Variants in ZPBP observed in about 807,000 individuals in gnomAD.
ZPBP encodes zona pellucida binding protein, also known as zona pellucida-binding protein 1.
Under a neutral mutation model 44.8 loss-of-function variants are expected in ZPBP, and 26 were observed. The ratio of observed to expected loss-of-function variants is 0.58; its 90% CI spans 0.43 to 0.81. The LOEUF is 0.81. ZPBP is among the 30% of genes least tolerant of loss of function. The pLI, the probability that ZPBP is intolerant of heterozygous loss-of-function variation, is 0.00. For synonymous variants in ZPBP, 174 were observed against 153.2 expected, an observed-to-expected ratio of 1.14 and a Z score of -1.00; for missense variants, 409 against 434.0, an observed-to-expected ratio of 0.94 and a Z score of 0.51.
intron 2 of ZPBP, among the ~76,000 whole-genome samples, chr7:49,854,593 T>C (rs1378629823): frequency 6.6e-6 from 1 of 152,242 alleles, no homozygotes; most frequent in Non-Finnish European, 1.5e-5. Context: ...GTTTGAGTTC[T>C]TTGCAGATTC....
chr7:50,058,132 C>A lies in ZPBP; in HGVS notation c.344G>T (p.Arg115Leu), dbSNP rs201273041. 3.5e-5 allele frequency: 56 copies of A among 1,613,458 alleles called. 1 individual carries two copies. The South Asian group carries it at 5.9e-4, about 17-fold the overall frequency. ...PKGKVVSVEN[R>L]TAQITSTGSL... Reference sequence around the variant, plus strand: ...TCCTGTGGATGTTATTTGTGCAGTGCGGTTTTCTACTAAAGGAATAAGATA... The same window carrying A: ...TCCTGTGGATGTTATTTGTGCAGTGAGGTTTTCTACTAAAGGAATAAGATA... The change falls in exon 4 of 8, where the codon CGC becomes CTC. Residue 115 changes from arginine to leucine, a missense_variant. Around this residue, in one of 2 missense-constraint regions of ZPBP, gnomAD observed 367 missense variants for 363.1 expected, o/e 1.01. Coordinates refer to ENST00000046087, the MANE Select transcript of ZPBP (RefSeq NM_007009.3).
At chr7:49,902,615 A>G (rs904093454) in intron 1 of ZPBP, among the ~76,000 whole-genome samples, 3 of 151,816 alleles carry the variant, frequency 2.0e-5, no homozygotes, top group Non-Finnish European at 2.9e-5. Context: ...TTTATCTCAG[A>G]ATGGATCATA....
chr7:49,950,626 TAAATACAC>T lies in ZPBP; in HGVS notation c.962-13012_962-13005del, dbSNP rs1385351341. Among the ~76,000 whole-genome samples, 3 of 151,836 alleles carry T rather than the reference TAAATACAC, an allele frequency of 2.0e-5. No homozygotes were observed. The East Asian group carries it at 5.8e-4, about 29-fold the overall frequency. The stretch of plus-strand genomic sequence containing the variant: ...GTATGTCTATTTATATGTACACATA[TAAATACAC>T]AAATTAATATGGTATATACCCCTAC... On this transcript the variant is annotated intron_variant, in intron 7 of 7. Coordinates refer to ENST00000046087, the MANE Select transcript of ZPBP (RefSeq NM_007009.3).
chr7:49,963,361 T>G (rs778701050), intron 7 of ZPBP, among the ~76,000 whole-genome samples: 37 of 151,740 alleles, frequency 2.4e-4, no homozygotes, highest in Non-Finnish European at 4.4e-4. Context: ...ACCATATCAC[T>G]CCACGATTTA....
chr7:49,999,509 T>C (rs2128793619), intron 6 of ZPBP, among the ~76,000 whole-genome samples: 1 of 152,146 alleles, frequency 6.6e-6, no homozygotes, highest in East Asian at 1.9e-4. Flanking sequence ...GGACAAGAAG[T>C]CCCACACTTT....
At chr7:49,943,759 T>C in intron 7 of ZPBP, 1 of 241,662 alleles carries the variant, frequency 4.1e-6, no homozygotes, top group Non-Finnish European at 8.1e-6. Flanking sequence ...CCATTGGATC[T>C]CTAGCCAGCA....
In ZPBP at chr7:49,931,741, T is replaced by C. The variant is rs115145859; in HGVS notation, n.411+4010A>G. On this transcript the variant is annotated intron_variant and non_coding_transcript_variant, in intron 1 of 2. Transcript: ENST00000465922. ...AGCCAAATGTTAATCACCAAGACAA[T>C]AGGATAATGTCTCCAGGGCATGTCA... Among the ~76,000 whole-genome samples the C allele has an allele frequency of 4.6e-3, 697 of 152,198 alleles. 4 individuals carry two copies. The highest frequency in any genetic ancestry group is 0.016 in the African/African-American group (659 of 41,538).
At chr7:49,910,427 AAAG>A (rs1304299920) in intron 1 of ZPBP, among the ~76,000 whole-genome samples, 22 of 152,198 alleles carry the variant, frequency 1.4e-4, no homozygotes, top group African/African-American at 5.1e-4. Context: ...TATTAGAAGC[AAAG>A]AAGGGAGGAG....
At chr7:49,979,848 A>T (rs376780670) in intron 7 of ZPBP, among the ~76,000 whole-genome samples, 1 of 58,762 alleles carries the variant, frequency 1.7e-5, no homozygotes, top group Non-Finnish European at 3.1e-5. Flanking sequence ...TATATATATA[A>T]AATATATATA....
At chr7:49,906,774 A>G (rs1019409953) in intron 1 of ZPBP, among the ~76,000 whole-genome samples, 7 of 152,222 alleles carry the variant, frequency 4.6e-5, no homozygotes, top group Admixed American at 3.9e-4. Context: ...CTTATGTGAA[A>G]CAGCTTGTAA....
chr7:50,067,789 TA>T (rs1801602052), intron 3 of ZPBP, among the ~76,000 whole-genome samples: 1 of 152,230 alleles, frequency 6.6e-6, no homozygotes, highest in African/African-American at 2.4e-5. Context: ...GCTAGTGTTT[TA>T]AAATAAGGAA....
chr7:49,920,704 GTGT>G (rs1381015074), intron 1 of ZPBP: 1 of 139,114 alleles, frequency 7.2e-6, no homozygotes, highest in Non-Finnish European at 1.5e-5. Flanking sequence ...GTATTTAATT[GTGT>G]TATTTACTAT....
chr7:49,932,284 C>A (rs978088649), intron 1 of ZPBP, among the ~76,000 whole-genome samples: 5 of 152,210 alleles, frequency 3.3e-5, no homozygotes, highest in African/African-American at 4.8e-5. Flanking sequence ...GGAAAAGCCA[C>A]AGAACACCAG....
At chr7:50,059,079 C>G (rs1050072260) in intron 3 of ZPBP, among the ~76,000 whole-genome samples, 3 of 152,190 alleles carry the variant, frequency 2.0e-5, no homozygotes, top group Admixed American at 2.0e-4. Context: ...TTCATAACCA[C>G]AGTTTTTAAT....
intron 4 of ZPBP, among the ~76,000 whole-genome samples, chr7:50,049,998 A>C (rs1265457689): frequency 6.6e-6 from 1 of 152,086 alleles, no homozygotes; most frequent in East Asian, 1.9e-4. Context: ...AAACATGTGT[A>C]ATTAAAAGTT....
At chr7:49,940,906 T>G (rs921445934) in intron 7 of ZPBP, 5 of 454,278 alleles carry the variant, frequency 1.1e-5, no homozygotes, top group African/African-American at 2.1e-5. Context: ...GGGCAAGAGA[T>G]TTCCTGAAAA....
chr7:49,947,374 G>C (rs550299399), intron 7 of ZPBP, among the ~76,000 whole-genome samples: 1 of 152,252 alleles, frequency 6.6e-6, no homozygotes, highest in South Asian at 2.1e-4. Context: ...AGACTTCAGT[G>C]TTGTGATTGA....
chr7:49,936,624 TG>T (rs1794627982), downstream of ZPBP, among the ~76,000 whole-genome samples: 1 of 152,146 alleles, frequency 6.6e-6, no homozygotes, highest in African/African-American at 2.4e-5. Context: ...CAAATATAAA[TG>T]AAACAATAAT....
intron 6 of ZPBP, among the ~76,000 whole-genome samples, chr7:49,985,249 C>A (rs946138065): frequency 1.3e-5 from 2 of 152,122 alleles, no homozygotes; most frequent in African/African-American, 2.4e-5. Flanking sequence ...ACATTTATTT[C>A]AATGTTTAAT....
Sources: gnomAD v4.1 joint callset for allele counts (sites outside exome capture counted in the v4.1 genomes callset) on GRCh38, gnomAD v4.1.1 for gene constraint, gnomAD v4.1.1 regional missense constraint, MANE v1.5 for transcripts, NCBI Gene and HGNC (gene_info 2026-07-23, HGNC 2026-07-21) for gene names.